TRPM7: variants seen among roughly 807,000 people sequenced by gnomAD.
TRPM7 encodes LTRPC ion channel family member 7.
A neutral mutation model predicts 229.7 loss-of-function variants in TRPM7; 134 were observed. The observed-to-expected ratio is 0.58, with a 90% confidence interval of 0.51 to 0.67. The LOEUF is 0.67. Among genes scored for constraint, TRPM7 ranks in the 30% least tolerant of loss-of-function variants. The pLI is 0.00. For missense variants in TRPM7, 1,901 were observed against 2,210.0 expected, an observed-to-expected ratio of 0.86 and a Z score of 2.80; for synonymous variants, 699 against 715.2, an observed-to-expected ratio of 0.98 and a Z score of 0.36.
intron 3 of TRPM7, among the ~76,000 whole-genome samples, chr15:50,649,714 A>C (rs765547810): frequency 2.6e-4 from 40 of 152,326 alleles, no homozygotes; most frequent in Non-Finnish European, 5.3e-4. Flanking sequence ...ATACTGGACT[A>C]TAACACCATA....
chr15:50,630,008 T>G (rs1396942735), intron 10 of TRPM7, among the ~76,000 whole-genome samples: 1 of 151,744 alleles, frequency 6.6e-6, no homozygotes, highest in Non-Finnish European at 1.5e-5. Context: ...ACTACAGGCA[T>G]CCACCACCAC....
intron 1 of TRPM7, among the ~76,000 whole-genome samples, chr15:50,669,972 C>T (rs2061954720): frequency 6.6e-6 from 1 of 152,128 alleles, no homozygotes; most frequent in South Asian, 2.1e-4. Context: ...TGCTGTTGTA[C>T]TCTTTGTATA....
Position 50,637,412 on chromosome 15 carries a change from A to G in TRPM7, c.832+10T>C. 6.2e-7 allele frequency: 1 copy of G among 1,607,688 alleles called. No homozygotes were observed. Among genetic ancestry groups the G allele is most frequent in the Non-Finnish European group, 8.5e-7 (1 of 1,177,090 alleles). ...AATTTCAACAATAACAAATTTGTGAATTCACTTACTAGCATGAATTCTTTG... is the reference window on the plus strand; with the variant it reads ...AATTTCAACAATAACAAATTTGTGAGTTCACTTACTAGCATGAATTCTTTG... On this transcript the variant is annotated intron_variant, in intron 7 of 38. Transcript: ENST00000646667.
intron 30 of TRPM7, among the ~76,000 whole-genome samples, chr15:50,579,011 C>A (rs1044965979): frequency 1.3e-5 from 2 of 152,044 alleles, no homozygotes; most frequent in Non-Finnish European, 2.9e-5. Context: ...TGTAACAATA[C>A]ATTGAGATGA....
intron 33 of TRPM7, 35 bp downstream of exon 33, chr15:50,575,689 T>C: frequency 6.4e-7 from 1 of 1,570,088 alleles, no homozygotes; most frequent in Non-Finnish European, 8.7e-7. Context: ...AAGGGTTAAT[T>C]TTCACTTATT....
Position 50,613,747 on chromosome 15 carries a change from T to C in TRPM7, c.1730A>G (p.His577Arg). Reference sequence around the variant, plus strand: ...CTGTGCTGTCTTAATGAAATGGTTATGCCTCATTTTTTCCTTTTTATCTGC... The same window carrying C: ...CTGTGCTGTCTTAATGAAATGGTTACGCCTCATTTTTTCCTTTTTATCTGC... ...NRADKKEKMRHNHFIKTAQPY... is the reference protein window; with the variant it reads ...NRADKKEKMRRNHFIKTAQPY... The change falls in exon 15 of 39, where the codon CAT becomes CGT. Residue 577 changes from histidine (H) to arginine (R), a missense_variant. By Grantham distance (29) the His-to-Arg change is conservative (BLOSUM62 0). Coordinates refer to ENST00000646667, the MANE Select transcript of TRPM7 (RefSeq NM_017672.6). 6.2e-7 allele frequency: 1 copy of C among 1,613,682 alleles called. No homozygotes were observed. The highest frequency in any genetic ancestry group is 8.5e-7 in the Non-Finnish European group (1 of 1,179,738).
intron 38 of TRPM7, among the ~76,000 whole-genome samples, chr15:50,567,251 T>C (rs1398934286): frequency 6.6e-6 from 1 of 152,154 alleles, no homozygotes; most frequent in African/African-American, 2.4e-5. Flanking sequence ...CATGTATACA[T>C]GTGCCATGTT....
intron 8 of TRPM7, among the ~76,000 whole-genome samples, chr15:50,633,856 C>T (rs888476207): frequency 6.6e-6 from 1 of 152,214 alleles, no homozygotes; most frequent in Admixed American, 6.5e-5. Context: ...TCTTACAAAA[C>T]TGTGTTCCAT....
chr15:50,632,301 A>T (rs781430602), intron 9 of TRPM7, among the ~76,000 whole-genome samples: 45 of 152,280 alleles, frequency 3.0e-4, no homozygotes, highest in Middle Eastern at 3.4e-3. Flanking sequence ...TCCAAAAAAA[A>T]AAATAAATAA....
At chr15:50,663,350 G>A (rs201388857) in intron 1 of TRPM7, among the ~76,000 whole-genome samples, 30 of 152,184 alleles carry the variant, frequency 2.0e-4, no homozygotes, top group East Asian at 1.9e-3. Context: ...GGCTGGTAAC[G>A]CCCGACCTCA....
chr15:50,606,805 C>T (rs1209177144), intron 20 of TRPM7, among the ~76,000 whole-genome samples: 1 of 152,080 alleles, frequency 6.6e-6, no homozygotes, highest in African/African-American at 2.4e-5. Flanking sequence ...GGCCTAAAGA[C>T]CTATTTATAA....
intron 1 of TRPM7, among the ~76,000 whole-genome samples, chr15:50,670,989 G>T (rs1352705042): frequency 1.3e-5 from 2 of 151,914 alleles, no homozygotes; most frequent in Non-Finnish European, 2.9e-5. Context: ...GATAAAAGGG[G>T]GCTACTATAC....
intron 12 of TRPM7, among the ~76,000 whole-genome samples, chr15:50,621,181 A>G (rs7167188): frequency 6.7e-6 from 1 of 150,240 alleles, no homozygotes; most frequent in Non-Finnish European, 1.5e-5. Context: ...AAAAAAAAAA[A>G]ACCTATTTAT....
intron 10 of TRPM7, among the ~76,000 whole-genome samples, chr15:50,630,479 T>C (rs1392154299): frequency 6.6e-6 from 1 of 152,076 alleles, no homozygotes; most frequent in Admixed American, 6.6e-5. Flanking sequence ...AATGTTGTTA[T>C]ATCTGTTGGA....
At chr15:50,654,346 C>G (rs1185023692) in intron 3 of TRPM7, among the ~76,000 whole-genome samples, 3 of 151,114 alleles carry the variant, frequency 2.0e-5, no homozygotes, top group African/African-American at 7.3e-5. Context: ...ACTCGGGAGG[C>G]TAAGGCAGGA....
chr15:50,616,988 C>T (rs2060238830), intron 13 of TRPM7, among the ~76,000 whole-genome samples: 1 of 151,844 alleles, frequency 6.6e-6, no homozygotes, highest in South Asian at 2.1e-4. Context: ...TTCAATAAAG[C>T]TATAAAGAAA....
Position 50,675,109 on chromosome 15 carries a change from G to A in TRPM7, c.3+11422C>T, listed in dbSNP as rs573546359. Among the ~76,000 whole-genome samples, 256 of 152,278 alleles carry A rather than the reference G, an allele frequency of 1.7e-3. 2 individuals carry two copies. The highest frequency in any genetic ancestry group is 5.8e-3 in the South Asian group (28 of 4,830). On this transcript the variant is annotated intron_variant, in intron 1 of 38. Transcript: ENST00000646667. ...TGTTATCCCAACACTTTGGGAAGCC[G>A]AGGCAGGTGGATCACCTGAGGTCAG...
At chr15:50,564,428 A>C (rs2053496061) in intron 38 of TRPM7, among the ~76,000 whole-genome samples, 1 of 152,016 alleles carries the variant, frequency 6.6e-6, no homozygotes, top group South Asian at 2.1e-4. Flanking sequence ...GGTATGGGAC[A>C]AGAAGAAATC....
intron 24 of TRPM7, 149 bp from the exon 25 acceptor site, chr15:50,593,898 G>A: frequency 1.3e-6 from 1 of 741,094 alleles, no homozygotes; most frequent in Non-Finnish European, 2.1e-6. Flanking sequence ...TAAAGCACTA[G>A]ACAATTATCT....
Sources: gnomAD v4.1 joint callset for allele counts (sites outside exome capture counted in the v4.1 genomes callset) on GRCh38, gnomAD v4.1.1 for gene constraint, MANE v1.5 for transcripts, NCBI Gene and HGNC (gene_info 2026-07-23, HGNC 2026-07-21) for gene names.